Variants in PHKA1 observed in about 807,000 individuals in gnomAD.
PHKA1 encodes the protein phosphorylase b kinase regulatory subunit alpha, skeletal muscle isoform.
Under a neutral mutation model 110.2 loss-of-function variants are expected in PHKA1, and 60 were observed. That is an observed-to-expected ratio of 0.54 (90% CI 0.44 to 0.68). The LOEUF (loss-of-function observed/expected upper bound fraction) is 0.68, where lower values mean the gene tolerates loss of function less well. Ranked by LOEUF, PHKA1 falls within the 30% of genes least tolerant of loss-of-function variation. PHKA1 has a pLI of 0.00. For synonymous variants in PHKA1, 316 were observed against 333.6 expected (o/e 0.95, Z 0.58); for missense variants, 801 against 942.5 (o/e 0.85, Z 1.97).
At chrX:72,606,647 C>T (rs1384888879) in intron 23 of PHKA1, among the ~76,000 whole-genome samples, 1 of 110,846 alleles carries the variant, frequency 9.0e-6, no homozygotes, top group Non-Finnish European at 1.9e-5. Flanking sequence ...AGGCATTCAA[C>T]ATATAATAAT....
chrX:72,646,405 T>C (rs781822865), intron 13 of PHKA1, among the ~76,000 whole-genome samples: 12 of 111,784 alleles, frequency 1.1e-4, no homozygotes, highest in Admixed American at 1.9e-4. Flanking sequence ...TGCTAGGCAC[T>C]GCCATATGTT....
chrX:72,668,150 T>C (rs2053636570), intron 6 of PHKA1, among the ~76,000 whole-genome samples: 1 of 112,256 alleles, frequency 8.9e-6, no homozygotes, highest in African/African-American at 3.2e-5. Flanking sequence ...CTATTAGAAA[T>C]AGAACTTTGA....
In PHKA1 at chrX:72,623,123, T is replaced by G. The variant is rs1404202467; in HGVS notation, c.1946A>C (p.Asp649Ala). 1.8e-5 allele frequency: 22 copies of G among 1,209,448 alleles called. No individual in the cohort carries two copies. The Admixed American group carries it at 4.6e-4, about 25-fold the overall frequency. Residue 649 changes from aspartate (D) to alanine (A), a missense_variant, in exon 18 of 32, where the codon GAT becomes GCT. Physicochemically the swap from Asp to Ala is moderately radical, Grantham distance 126. Coordinates refer to ENST00000373542, the MANE Select transcript of PHKA1 (RefSeq NM_002637.4). Reference sequence around the variant, plus strand: ...AGCCTCCTTACCATGACTGGTTGAATCATAATCATTCATCCAGTTGCCAGA... The same window carrying G: ...AGCCTCCTTACCATGACTGGTTGAAGCATAATCATTCATCCAGTTGCCAGA... ...LESGNWMNDY[D>A]STSHARCGDE...
At chrX:72,623,357 C>A in intron 17 of PHKA1, 82 bp from the exon 18 acceptor site, 1 of 789,077 alleles carries the variant, frequency 1.3e-6, no homozygotes, top group East Asian at 3.4e-5. Context: ...AAAAGGACAC[C>A]TAACATGTTT....
chrX:72,701,522 C>T (rs1238317935), intron 3 of PHKA1, among the ~76,000 whole-genome samples: 1 of 111,525 alleles, frequency 9.0e-6, no homozygotes, highest in Non-Finnish European at 1.9e-5. Context: ...AGTTCGAGAC[C>T]AGCCTGGCCA....
intron 4 of PHKA1, among the ~76,000 whole-genome samples, chrX:72,688,143 T>C (rs1403066836): frequency 9.0e-6 from 1 of 111,620 alleles, no homozygotes; most frequent in African/African-American, 3.3e-5. Context: ...AAATCTTTGA[T>C]CTATTAACAT....
At chrX:72,675,566 T>C (rs2053769287) in intron 6 of PHKA1, among the ~76,000 whole-genome samples, 1 of 111,603 alleles carries the variant, frequency 9.0e-6, no homozygotes, top group Admixed American at 9.6e-5. Flanking sequence ...TGCTATCTTA[T>C]TGTATGTCTT....
chrX:72,678,928 G>T (rs782132182), intron 5 of PHKA1, among the ~76,000 whole-genome samples: 1 of 111,875 alleles, frequency 8.9e-6, no homozygotes, highest in Non-Finnish European at 1.9e-5. Context: ...AGGAAATGGC[G>T]CTAAGTACAG....
chrX:72,582,229 C>T (rs1428226341), intron 31 of PHKA1, among the ~76,000 whole-genome samples, 169 bp downstream of exon 31: 2 of 111,209 alleles, frequency 1.8e-5, no homozygotes, highest in Non-Finnish European at 3.8e-5. Context: ...GGTCTTCCTG[C>T]GGCCTACTTC....
intron 21 of PHKA1, among the ~76,000 whole-genome samples, chrX:72,615,359 C>T (rs951444023): frequency 1.8e-5 from 2 of 111,421 alleles, no homozygotes; most frequent in Non-Finnish European, 3.8e-5. Flanking sequence ...ATTAATCTAA[C>T]GATGGTGTGT....
Position 72,704,141 on chromosome X carries a change from C to T in PHKA1, c.285+1057G>A, listed in dbSNP as rs370308381. ...CAGACAATTCATCCATGAGGAAATGCAAATTTTCAATCTACACATAAAAGG... is the reference window on the plus strand; with the variant it reads ...CAGACAATTCATCCATGAGGAAATGTAAATTTTCAATCTACACATAAAAGG... On this transcript the variant is annotated intron_variant, in intron 3 of 31. Coordinates refer to ENST00000373542, the MANE Select transcript of PHKA1 (RefSeq NM_002637.4). Among the ~76,000 whole-genome samples, 4 of 110,410 alleles carry T rather than the reference C, an allele frequency of 3.6e-5. No individual in the cohort carries two copies. In the East Asian group the frequency reaches 1.1e-3, roughly 31 times the overall value.
At chrX:72,643,244 C>T (rs1266558256) in intron 14 of PHKA1, among the ~76,000 whole-genome samples, 1 of 111,137 alleles carries the variant, frequency 9.0e-6, no homozygotes, top group Non-Finnish European at 1.9e-5. Flanking sequence ...AGTACACATA[C>T]ACACATACAC....
Position 72,699,113 on chromosome X carries a change from A to G in PHKA1, c.286-3237T>C, listed in dbSNP as rs189208845. Among the ~76,000 whole-genome samples the G allele has an allele frequency of 3.2e-3, 361 of 111,483 alleles. 1 individual carries two copies. The highest frequency in any genetic ancestry group is 6.0e-3 in the Non-Finnish European group (321 of 53,156). ...TAGGAAAACATTCTTGCTAAAAAAT[A>G]AAAGGTGAACAAGTTTTGTCTAATT... On this transcript the variant is annotated intron_variant, in intron 3 of 31. Transcript: ENST00000373542.
At chrX:72,627,144 T>C in intron 16 of PHKA1, 95 bp from the exon 17 acceptor site, 1 of 681,538 alleles carries the variant, frequency 1.5e-6, no homozygotes, top group Non-Finnish European at 2.4e-6. Context: ...TTCTGGTGGT[T>C]ACAATACAAA....
intron 13 of PHKA1, 67 bp from the exon 14 acceptor site, chrX:72,644,563 A>C (rs1027162657): frequency 6.1e-6 from 6 of 977,267 alleles, no homozygotes; most frequent in Non-Finnish European, 7.2e-6. Context: ...ACAATCTCTC[A>C]AGTTATATAA....
chrX:72,661,284 A>AT (rs1475161097), intron 8 of PHKA1, among the ~76,000 whole-genome samples: 30 of 111,292 alleles, frequency 2.7e-4, no homozygotes, highest in Non-Finnish European at 5.7e-4. Flanking sequence ...TAGGTTTTGT[A>AT]TTTTTTTCCC....
At chrX:72,692,841 G>C (rs1238261380) in intron 4 of PHKA1, among the ~76,000 whole-genome samples, 1 of 110,341 alleles carries the variant, frequency 9.1e-6, no homozygotes, top group Non-Finnish European at 1.9e-5. Flanking sequence ...AATTTCTGCT[G>C]TAATGTTTAT....
intron 22 of PHKA1, 42 bp downstream of exon 22, chrX:72,610,986 A>G (rs1401940085): frequency 9.2e-7 from 1 of 1,087,531 alleles, no homozygotes; most frequent in Non-Finnish European, 1.3e-6. Flanking sequence ...TTTAAAAAGC[A>G]CGCTTATTTA....
intron 28 of PHKA1, among the ~76,000 whole-genome samples, chrX:72,595,084 G>C (rs1442732112): frequency 9.0e-6 from 1 of 111,726 alleles, no homozygotes; most frequent in Non-Finnish European, 1.9e-5. Flanking sequence ...ATACTAAAAG[G>C]ATTATACAAC....
Sources: allele counts gnomAD v4.1 joint callset (sites outside exome capture counted in the v4.1 genomes callset), GRCh38; gene constraint gnomAD v4.1.1; transcripts MANE v1.5; gene names NCBI Gene and HGNC (gene_info 2026-07-23, HGNC 2026-07-21).